Variants in ZMYND8 observed in about 807,000 individuals in gnomAD.
ZMYND8 encodes MYND-type zinc finger-containing chromatin reader ZMYND8.
ZMYND8 carries 37 observed loss-of-function variants against 140.8 expected under a neutral mutation model. The observed-to-expected ratio is 0.26, with a 90% confidence interval of 0.20 to 0.35. The LOEUF (loss-of-function observed/expected upper bound fraction) is 0.35. Among genes scored for constraint, ZMYND8 ranks in the 10% least tolerant of loss-of-function variants. ZMYND8 has a pLI of 1.00. For synonymous variants in ZMYND8, 592 were observed against 597.1 expected, an observed-to-expected ratio of 0.99 and a Z score of 0.12; for missense variants, 1,068 against 1,570.0, an observed-to-expected ratio of 0.68 and a Z score of 5.40.
rs546417007 is a variant in ZMYND8 at position 47,331,814 on chromosome 20, G to GTCTCC, written c.85+16037_85+16041dup. On this transcript the variant is annotated intron_variant, in intron 2 of 22. Coordinates refer to ENST00000471951, the MANE Select transcript of ZMYND8 (RefSeq NM_001281775.3). ...CCTCCCCTGGAAAAGGCAACACAGA[G>GTCTCC]TCTCCAGGAAGCTCAGTGGGGATGT... 5.7e-3 allele frequency among the ~76,000 whole-genome samples: 869 copies of GTCTCC among 152,322 alleles called. 9 individuals carry two copies. The highest frequency in any genetic ancestry group is 0.02 in the African/African-American group (830 of 41,568).
intron 7 of ZMYND8, among the ~76,000 whole-genome samples, chr20:47,287,680 G>A (rs1419988457): frequency 1.3e-5 from 2 of 152,268 alleles, no homozygotes; most frequent in South Asian, 2.1e-4. Context: ...CTCTGGTGTG[G>A]CTAGTGCTTC....
In ZMYND8 at chr20:47,238,805, GGCTGCTGCTGCTGGTTTTGCT is replaced by G. The variant is rs1555897566; in HGVS notation, c.2597_2617del (p.Gln866_Gln872del). 1 of 1,612,956 alleles carries G rather than the reference GGCTGCTGCTGCTGGTTTTGCT, an allele frequency of 6.2e-7. No homozygotes were observed. The highest frequency in any genetic ancestry group is 1.7e-5 in the Admixed American group (1 of 60,004). On this transcript the variant is annotated inframe_deletion, in exon 15 of 23. Transcript: ENST00000471951. ...ATATCTCGTCCCCTGGGAAGACTGA[GGCTGCTGCTGCTGGTTTTGCT>G]GCTGCTGCTGCTGCTGCTGACGCTG... is the stretch of plus-strand genomic sequence containing the variant.
At chr20:47,223,511 A>T (rs1381969727) in intron 19 of ZMYND8, among the ~76,000 whole-genome samples, 2 of 150,652 alleles carry the variant, frequency 1.3e-5, no homozygotes, top group African/African-American at 2.4e-5. Context: ...GTCTCAAAAT[A>T]ATAATAATAA....
At chr20:47,225,598 G>GAAGGGGAAGGGAGGGGAATGA (rs1227578603) in intron 18 of ZMYND8, among the ~76,000 whole-genome samples, 1 of 43,428 alleles carries the variant, frequency 2.3e-5, no homozygotes, top group Non-Finnish European at 5.4e-5. Flanking sequence ...GAAGGGGAAG[G>GAAGGGGAAGGGAGGGGAATGA]AGGGGATGGG....
intron 3 of ZMYND8, among the ~76,000 whole-genome samples, chr20:47,305,817 A>G (rs2078437905): frequency 6.6e-6 from 1 of 152,162 alleles, no homozygotes; most frequent in African/African-American, 2.4e-5. Context: ...ACACCTCCCA[A>G]CAGGATGTTT....
At chr20:47,347,714 T>C (rs950582231) in intron 2 of ZMYND8, 142 bp downstream of exon 2, 6 of 805,388 alleles carry the variant, frequency 7.4e-6, no homozygotes, top group Non-Finnish European at 1.2e-5. Context: ...GGTTCATCCA[T>C]CAAAAAATCT....
chr20:47,282,633 G>A (rs1464151307), intron 9 of ZMYND8, among the ~76,000 whole-genome samples: 2 of 151,710 alleles, frequency 1.3e-5, no homozygotes, highest in South Asian at 4.2e-4. Context: ...GCTGAGGCAG[G>A]AGAATCACTT....
chr20:47,338,570 A>G (rs1430286313), intron 2 of ZMYND8, among the ~76,000 whole-genome samples: 1 of 151,930 alleles, frequency 6.6e-6, no homozygotes, highest in Non-Finnish European at 1.5e-5. Context: ...AGCTCTGGGA[A>G]CCTCAGCAAC....
Position 47,210,693 on chromosome 20 carries a change from G to A in ZMYND8, c.*68C>T. 1.2e-6 allele frequency: 2 copies of A among 1,612,958 alleles called. No homozygotes were observed. The highest frequency in any genetic ancestry group is 2.2e-5 in the South Asian group (2 of 91,038). On this transcript the variant is annotated 3_prime_UTR_variant, in exon 23 of 23. Coordinates refer to ENST00000471951, the MANE Select transcript of ZMYND8 (RefSeq NM_001281775.3). ...AAGTGGCTGTTCTCCTGCCTTTGTTGTTTCTTCTTTTCCTGGCGTCTGGGT... is the reference window on the plus strand; with the variant it reads ...AAGTGGCTGTTCTCCTGCCTTTGTTATTTCTTCTTTTCCTGGCGTCTGGGT...
Position 47,246,325 on chromosome 20 carries a change from G to A in ZMYND8, c.1967C>T (p.Pro656Leu), listed in dbSNP as rs1272321380. Residue 656 changes from proline (P) to leucine (L), a missense_variant, in exon 14 of 23, where the codon CCC becomes CTC. Pro to Leu is a moderately conservative substitution (Grantham distance 98, BLOSUM62 -3). Coordinates refer to ENST00000471951, the MANE Select transcript of ZMYND8 (RefSeq NM_001281775.3). ...AATCTCCACTGGGTTTGTAGGCTTG[G>A]GCTTTTTTTTAACAGCAGATGGCTC... ...DKEPSAVKKK[P>L]KPTNPVEIKE... is the part of the protein sequence containing the mutation. 6.2e-7 allele frequency: 1 copy of A among 1,613,998 alleles called. No homozygotes were observed. The highest frequency in any genetic ancestry group is 1.7e-5 in the Admixed American group (1 of 59,996).
At chr20:47,262,821 T>C (rs1344867591) in intron 11 of ZMYND8, among the ~76,000 whole-genome samples, 1 of 152,104 alleles carries the variant, frequency 6.6e-6, no homozygotes, top group African/African-American at 2.4e-5. Context: ...CAAATGCGTA[T>C]CATCTGTTTG....
intron 12 of ZMYND8, among the ~76,000 whole-genome samples, chr20:47,261,253 T>C (rs990885543): frequency 6.6e-6 from 1 of 151,738 alleles, no homozygotes; most frequent in Non-Finnish European, 1.5e-5. Context: ...GAATCAATAA[T>C]GGGCCAGGTG....
At chr20:47,276,947 A>G (rs2076293059) in intron 10 of ZMYND8, 152 bp from the exon 11 acceptor site, 1 of 808,416 alleles carries the variant, frequency 1.2e-6, no homozygotes, top group South Asian at 3.0e-5. Flanking sequence ...TGAAGGATTA[A>G]TTAATGATCC....
intron 2 of ZMYND8, among the ~76,000 whole-genome samples, chr20:47,329,054 G>GA (rs1339947045): frequency 1.3e-5 from 2 of 152,254 alleles, no homozygotes; most frequent in Non-Finnish European, 2.9e-5. Context: ...AACTTGCAAA[G>GA]ATAGAAAGAG....
chr20:47,354,523 A>G (rs768568213), intron 1 of ZMYND8: 1 of 152,182 alleles, frequency 6.6e-6, no homozygotes, highest in African/African-American at 2.4e-5. Context: ...AACTGCCTGC[A>G]GTTTTACTCT....
chr20:47,326,122 T>A (rs2080393710), intron 2 of ZMYND8, among the ~76,000 whole-genome samples: 1 of 152,194 alleles, frequency 6.6e-6, no homozygotes, highest in South Asian at 2.1e-4. Flanking sequence ...CACGCCCGGC[T>A]AATTCTTTGT....
At chr20:47,350,368 C>T (rs1253804821) in intron 1 of ZMYND8, among the ~76,000 whole-genome samples, 1 of 143,896 alleles carries the variant, frequency 6.9e-6, no homozygotes, top group Non-Finnish European at 1.5e-5. Context: ...TTTACAAAAG[C>T]AAAGACCAGA....
intron 18 of ZMYND8, among the ~76,000 whole-genome samples, chr20:47,225,368 C>T (rs1472077517): frequency 6.6e-6 from 1 of 151,632 alleles, no homozygotes; most frequent in Non-Finnish European, 1.5e-5. Context: ...TGAGACCAGC[C>T]TGGCCAACAT....
chr20:47,229,372 C>A (rs577382287), intron 17 of ZMYND8, among the ~76,000 whole-genome samples: 27 of 152,146 alleles, frequency 1.8e-4, no homozygotes, highest in African/African-American at 6.3e-4. Flanking sequence ...AATTATTGAA[C>A]AAGAAGAAGC....
Sources: allele counts gnomAD v4.1 joint callset (sites outside exome capture counted in the v4.1 genomes callset), GRCh38; gene constraint gnomAD v4.1.1; transcripts MANE v1.5; gene names NCBI Gene and HGNC (gene_info 2026-07-23, HGNC 2026-07-21).